NABP2: variants seen among roughly 807,000 people sequenced by gnomAD.
NABP2 encodes nucleic acid binding protein 2, also known as SOSS complex subunit B1.
In NABP2, 7 loss-of-function variants were observed where a neutral mutation model predicts 22.7. That is an observed-to-expected ratio of 0.31 (90% CI 0.18 to 0.58). The LOEUF (loss-of-function observed/expected upper bound fraction) is 0.58, where lower values mean the gene tolerates loss of function less well. NABP2 is among the 20% of genes least tolerant of loss of function. The pLI, the probability that NABP2 is intolerant of heterozygous loss-of-function variation, is 0.89. For synonymous variants in NABP2, 107 were observed against 99.2 expected (o/e 1.08, Z -0.47); for missense variants, 188 against 265.9 (o/e 0.71, Z 2.04).
Position 56,226,249 on chromosome 12 carries a change from C to A in NABP2, c.361C>A (p.Pro121Thr). The stretch of plus-strand genomic sequence containing the variant: ...CCCAGAGTACAGCACCCAGCAGGCA[C>A]CCAACAAGGCGGTGAGTCCTGTGGC... ...PNPEYSTQQA[P>T]NKAVQNDSNP... The change falls in exon 5 of 7, where the codon CCC (proline) becomes ACC (threonine). Residue 121 changes from proline (P) to threonine (T), a missense_variant. By Grantham distance (38) the Pro-to-Thr change is conservative. Coordinates refer to ENST00000267023, the MANE Select transcript of NABP2 (RefSeq NM_024068.4). 1 of 1,614,090 alleles carries A rather than the reference C, an allele frequency of 6.2e-7. No individual in the cohort carries two copies. Among genetic ancestry groups the A allele is most frequent in the Non-Finnish European group, 8.5e-7 (1 of 1,180,010 alleles).
chr12:56,225,829 AGTCTCT>A, intron 4 of NABP2, 134 bp downstream of exon 4: 1 of 1,025,474 alleles, frequency 9.8e-7, no homozygotes, highest in South Asian at 1.4e-5. Flanking sequence ...TTTGAGAAAC[AGTCTCT>A]GTCGCTCAGG....
Position 56,229,085 on chromosome 12 carries a change from A to ACCCCCCCC in NABP2, c.509_510insCCCCCCCC (p.Ser172ProfsTer64). ...CGGTGGTGGCCCACATCCCCCTCAT[A>ACCCCCCCC]CTCCCTCCCACCCACCCAGCACCCG... On this transcript the variant is annotated frameshift_variant, in exon 7 of 7. Transcript: ENST00000267023. LOFTEE classifies it high-confidence loss of function. 2 of 1,587,624 alleles carry ACCCCCCCC rather than the reference A, an allele frequency of 1.3e-6. No individual in the cohort carries two copies. Among genetic ancestry groups the ACCCCCCCC allele is most frequent in the Non-Finnish European group, 1.7e-6 (2 of 1,161,578 alleles).
intron 6 of NABP2, among the ~76,000 whole-genome samples, chr12:56,228,281 T>C (rs911621224): frequency 6.6e-6 from 1 of 152,134 alleles, no homozygotes; most frequent in Non-Finnish European, 1.5e-5. Context: ...TATCGTACAC[T>C]CATACACACC....
chr12:56,222,628 C>A (rs1869547503), upstream of NABP2, among the ~76,000 whole-genome samples: 1 of 152,092 alleles, frequency 6.6e-6, no homozygotes. Context: ...ACGTGGGATC[C>A]AAGGGAAGTC....
At chr12:56,224,996 C>A in intron 2 of NABP2, 61 bp downstream of exon 2, 1 of 1,263,182 alleles carries the variant, frequency 7.9e-7, no homozygotes, top group Non-Finnish European at 1.1e-6. Context: ...GGGAAGAACG[C>A]TGTCTGCGTT....
At chr12:56,225,800 T>C in intron 4 of NABP2, 105 bp downstream of exon 4, 1 of 1,059,224 alleles carries the variant, frequency 9.4e-7, no homozygotes, top group South Asian at 1.4e-5. Flanking sequence ...GGACTTTTTC[T>C]GTTTGTTTGT....
chr12:56,228,648 C>T (rs994763396), intron 6 of NABP2, among the ~76,000 whole-genome samples: 4 of 152,084 alleles, frequency 2.6e-5, no homozygotes, highest in African/African-American at 7.2e-5. Flanking sequence ...AGCCTCCCAC[C>T]GTACTGAGAT....
At chr12:56,224,339 T>C, upstream of NABP2, 2 of 987,504 alleles carry the variant, frequency 2.0e-6, no homozygotes, top group Non-Finnish European at 1.2e-6. Flanking sequence ...TCCGGGAATG[T>C]CCGCACTCCC....
At chr12:56,222,433 C>T (rs1869534058), upstream of NABP2, among the ~76,000 whole-genome samples, 1 of 152,260 alleles carries the variant, frequency 6.6e-6, no homozygotes, top group East Asian at 1.9e-4. Context: ...CTGGGGTGCT[C>T]AACGGGTTGT....
chr12:56,228,649 G>A (rs772921053), intron 6 of NABP2, among the ~76,000 whole-genome samples: 15 of 152,044 alleles, frequency 9.9e-5, no homozygotes, highest in East Asian at 1.9e-4. Context: ...GCCTCCCACC[G>A]TACTGAGATT....
chr12:56,229,048 C>T lies in NABP2; in HGVS notation c.471C>T (p.Ala157=), dbSNP rs781666263. ...ACCAGAATGGGAATGGACTGAGTGC[C>T]CCACCAGGTCCCGGTGGTGGCCCAC... ...SENQNGNGLS[A]PPGPGGGPHP... Residue 157 remains alanine (A), a synonymous_variant, in exon 7 of 7, where the codon GCC becomes GCT. Transcript: ENST00000267023. The T allele has an allele frequency of 6.2e-7, 1 of 1,613,314 alleles. No homozygotes were observed. Among genetic ancestry groups the T allele is most frequent in the South Asian group, 1.1e-5 (1 of 90,912 alleles).
In NABP2 at chr12:56,226,237, A is replaced by G; in HGVS notation, c.349A>G (p.Thr117Ala). 1 of 1,614,148 alleles carries G rather than the reference A, an allele frequency of 6.2e-7. No homozygotes were observed. The highest frequency in any genetic ancestry group is 8.5e-7 in the Non-Finnish European group (1 of 1,180,032). ...CAGTGAGCCAAACCCAGAGTACAGC[A>G]CCCAGCAGGCACCCAACAAGGCGGT... ...NFSEPNPEYS[T>A]QQAPNKAVQN... The change falls in exon 5 of 7, where the codon ACC (threonine) becomes GCC (alanine). Residue 117 changes from threonine (T) to alanine (A), a missense_variant. Coordinates refer to ENST00000267023, the MANE Select transcript of NABP2 (RefSeq NM_024068.4).
In NABP2 at chr12:56,229,201, C is replaced by T. The variant is rs977958313; in HGVS notation, c.624C>T (p.Ser208=). The T allele has an allele frequency of 4.3e-6, 7 of 1,611,630 alleles. No homozygotes were observed. The highest frequency in any genetic ancestry group is 5.9e-6 in the Non-Finnish European group (7 of 1,179,768). The change falls in exon 7 of 7, where the codon AGC becomes AGT. Residue 208 remains serine (S), a synonymous_variant. Coordinates refer to ENST00000267023, the MANE Select transcript of NABP2 (RefSeq NM_024068.4). Reference sequence around the variant, plus strand: ...GTAACGGCAAAGAAACCCGGAGGAGCAGCAAGAGATAGCATGACATTCTTT... The same window carrying T: ...GTAACGGCAAAGAAACCCGGAGGAGTAGCAAGAGATAGCATGACATTCTTT... ...PVSNGKETRR[S]SKR is the part of the protein sequence containing the mutation.
chr12:56,226,029 T>A (rs1293960162), intron 4 of NABP2, 150 bp from the exon 5 acceptor site: 19 of 710,310 alleles, frequency 2.7e-5, no homozygotes, highest in Non-Finnish European at 3.4e-5. Flanking sequence ...CCCAAACTCC[T>A]GGGCTGAAGT....
At chr12:56,223,079 CA>C (rs1253515400), upstream of NABP2, among the ~76,000 whole-genome samples, 1 of 152,006 alleles carries the variant, frequency 6.6e-6, no homozygotes, top group Non-Finnish European at 1.5e-5. Context: ...ACTAAAAATA[CA>C]AAAAAAGTAG....
rs115559022 is a variant in NABP2 at position 56,227,674 on chromosome 12, C to T, written c.436+1255C>T. 5.7e-3 allele frequency among the ~76,000 whole-genome samples: 862 copies of T among 151,966 alleles called. 9 individuals carry two copies. Among genetic ancestry groups the T allele is most frequent in the African/African-American group, 0.02 (827 of 41,458 alleles). On this transcript the variant is annotated intron_variant, in intron 6 of 6. Coordinates refer to ENST00000267023, the MANE Select transcript of NABP2 (RefSeq NM_024068.4). Reference sequence around the variant, plus strand: ...TCAAACATTGAAAATATAAGCCAGACGCAGCGGTGCACACCCATCATCCTA... The same window carrying T: ...TCAAACATTGAAAATATAAGCCAGATGCAGCGGTGCACACCCATCATCCTA...
intron 2 of NABP2, 97 bp downstream of exon 2, chr12:56,225,032 G>C: frequency 1.1e-6 from 1 of 890,558 alleles, no homozygotes; most frequent in Non-Finnish European, 1.8e-6. Context: ...GGATGGCAAG[G>C]CAAGCTGCAA....
upstream of NABP2, among the ~76,000 whole-genome samples, chr12:56,224,004 G>A (rs1028599589): frequency 5.9e-5 from 9 of 152,162 alleles, no homozygotes; most frequent in Non-Finnish European, 1.2e-4. Flanking sequence ...GTGAAGCATT[G>A]AGCCAGGATT....
At chr12:56,223,740 G>A (rs1365037658), upstream of NABP2, 1 of 152,238 alleles carries the variant, frequency 6.6e-6, no homozygotes, top group African/African-American at 2.4e-5. Flanking sequence ...GGAGGAAACC[G>A]TGTGTGCCTA....
Sources: gnomAD v4.1 joint callset for allele counts (sites outside exome capture counted in the v4.1 genomes callset) on GRCh38, gnomAD v4.1.1 for gene constraint, MANE v1.5 for transcripts, NCBI Gene and HGNC (gene_info 2026-07-23, HGNC 2026-07-21) for gene names.